HBS1L: variants seen among roughly 807,000 people sequenced by gnomAD.
HBS1L encodes HBS1 like translational GTPase.
Under a neutral mutation model 88.9 loss-of-function variants are expected in HBS1L, and 55 were observed. The observed-to-expected ratio is 0.62, with a 90% CI of 0.50 to 0.77. The LOEUF (loss-of-function observed/expected upper bound fraction) is 0.77. Ranked by LOEUF, HBS1L falls within the 30% of genes least tolerant of loss-of-function variation. The pLI, the probability that HBS1L is intolerant of heterozygous loss-of-function variation, is 0.00. For missense variants in HBS1L, 741 were observed against 829.3 expected (o/e 0.89, Z 1.31); for synonymous variants, 267 against 288.5 (o/e 0.93, Z 0.76).
chr6:134,999,744 G>A lies in HBS1L; in HGVS notation c.540-2088C>T, dbSNP rs557711135. On this transcript the variant is annotated intron_variant, in intron 5 of 17. Coordinates refer to ENST00000367837, the MANE Select transcript of HBS1L (RefSeq NM_006620.4). ...ATTACAGGGGTGAGCTACTGTACCC[G>A]GCCCCTTTTAAGTAAATCTTAGGTA... Among the ~76,000 whole-genome samples, 5 of 152,072 alleles carry A rather than the reference G, an allele frequency of 3.3e-5. No homozygotes were observed. In the South Asian group the frequency reaches 6.2e-4, roughly 19 times the overall value.
At chr6:134,973,112 A>G (rs954628524) in intron 15 of HBS1L, among the ~76,000 whole-genome samples, 7 of 152,264 alleles carry the variant, frequency 4.6e-5, no homozygotes, top group Non-Finnish European at 1.0e-4. Flanking sequence ...AAAAGAATGG[A>G]AAGCAGGAAT....
At chr6:135,042,728 G>A (rs774736644) in intron 2 of HBS1L, among the ~76,000 whole-genome samples, 7 of 151,060 alleles carry the variant, frequency 4.6e-5, no homozygotes, top group Non-Finnish European at 8.8e-5. Context: ...CAGGGGAACC[G>A]TTTGAACCCA....
intron 4 of HBS1L, among the ~76,000 whole-genome samples, chr6:135,019,921 A>G (rs879309321): frequency 2.6e-5 from 4 of 151,922 alleles, no homozygotes; most frequent in South Asian, 2.1e-4. Context: ...ATGTAGATGT[A>G]TAACTATTGT....
intron 15 of HBS1L, among the ~76,000 whole-genome samples, chr6:134,972,937 T>TAGAGAAAA (rs1774531181): frequency 6.6e-6 from 1 of 152,198 alleles, no homozygotes; most frequent in Non-Finnish European, 1.5e-5. Flanking sequence ...AGAAAACTTG[T>TAGAGAAAA]TATTTAATGT....
At chr6:135,054,513 T>C (rs1167601235) in intron 1 of HBS1L, 136 bp downstream of exon 1, 7 of 965,906 alleles carry the variant, frequency 7.2e-6, no homozygotes, top group Non-Finnish European at 1.1e-5. Flanking sequence ...AGGCCTGTTA[T>C]ATTCCCCAAC....
intron 4 of HBS1L, chr6:135,038,052 T>G (rs753955463): frequency 2.8e-6 from 4 of 1,454,084 alleles, no homozygotes; most frequent in Non-Finnish European, 3.6e-6. Flanking sequence ...CCATTAATTT[T>G]CAGATGAATA....
At chr6:135,001,919 T>A (rs981040682) in intron 5 of HBS1L, among the ~76,000 whole-genome samples, 3 of 151,252 alleles carry the variant, frequency 2.0e-5, no homozygotes, top group Non-Finnish European at 4.4e-5. Context: ...TTTATATTTT[T>A]AAAAAAATAT....
chr6:135,021,910 C>T (rs1776081819), intron 4 of HBS1L, among the ~76,000 whole-genome samples: 1 of 152,102 alleles, frequency 6.6e-6, no homozygotes, highest in African/African-American at 2.4e-5. Flanking sequence ...CTTCCTATCC[C>T]CCCTTGAGAG....
intron 4 of HBS1L, among the ~76,000 whole-genome samples, chr6:135,004,260 T>G (rs1414187895): frequency 7.4e-6 from 1 of 134,808 alleles, no homozygotes; most frequent in South Asian, 2.3e-4. Context: ...TACTAAATGA[T>G]AAAAAAAAAA....
At chr6:135,018,828 C>A (rs1365613928) in intron 4 of HBS1L, among the ~76,000 whole-genome samples, 40 of 151,700 alleles carry the variant, frequency 2.6e-4, no homozygotes, top group Non-Finnish European at 1.2e-4. Context: ...TACCATTCTG[C>A]CCTAGGACTT....
chr6:135,045,364 C>A (rs1776880703), intron 2 of HBS1L, among the ~76,000 whole-genome samples: 1 of 152,126 alleles, frequency 6.6e-6, no homozygotes, highest in Non-Finnish European at 1.5e-5. Flanking sequence ...GGCATTTTGA[C>A]AAACATAAAA....
At position 135,025,979 on chromosome 6, in the gene HBS1L, G is replaced by A. The variant is rs184475559; in HGVS notation, c.430+13594C>T. The stretch of plus-strand genomic sequence containing the variant: ...AAGCCGCACTGGAGGTGGCAGAATC[G>A]AGGTAGCTAGTTAGCAACATGCAAC... On this transcript the variant is annotated intron_variant, in intron 4 of 17. Coordinates refer to ENST00000367837, the MANE Select transcript of HBS1L (RefSeq NM_006620.4). Among the ~76,000 whole-genome samples, 9 of 152,294 alleles carry A rather than the reference G, an allele frequency of 5.9e-5. No individual in the cohort carries two copies. In the East Asian group the frequency reaches 1.4e-3, roughly 23 times the overall value.
At chr6:135,025,292 A>G (rs963555711) in intron 4 of HBS1L, among the ~76,000 whole-genome samples, 2 of 152,238 alleles carry the variant, frequency 1.3e-5, no homozygotes, top group Non-Finnish European at 2.9e-5. Context: ...AGAGCACATG[A>G]GAAACATAGG....
chr6:135,040,344 C>CCTTTTTTTTTT (rs1365916364), intron 3 of HBS1L, among the ~76,000 whole-genome samples: 5 of 110,060 alleles, frequency 4.5e-5, no homozygotes, highest in Admixed American at 2.2e-4. Context: ...GATAGGCATT[C>CCTTTTTTTTTT]TTTTTTTTTT....
chr6:135,044,454 A>G (rs1011638491), intron 2 of HBS1L, among the ~76,000 whole-genome samples: 1 of 152,184 alleles, frequency 6.6e-6, no homozygotes, highest in Admixed American at 6.5e-5. Context: ...CAACACTGGT[A>G]TAAGGTCAGC....
chr6:134,994,582 C>T (rs917783836), intron 7 of HBS1L, among the ~76,000 whole-genome samples: 1 of 152,092 alleles, frequency 6.6e-6, no homozygotes, highest in Non-Finnish European at 1.5e-5. Flanking sequence ...ATGGGACCCA[C>T]ATCTAAACAC....
chr6:134,995,470 T>C (rs1045785287), intron 7 of HBS1L, among the ~76,000 whole-genome samples: 3 of 151,874 alleles, frequency 2.0e-5, no homozygotes, highest in Non-Finnish European at 2.9e-5. Context: ...AGCAAAAATA[T>C]GAAAGCCAAT....
rs1440398520 is a variant in HBS1L at position 134,982,636 on chromosome 6, G to A, written c.1493-74C>T. ...TGATTAATACCGTTAACTATACTTAGTTCTCAAGTAGTCATATAAAACTAG... is the reference window on the plus strand; with the variant it reads ...TGATTAATACCGTTAACTATACTTAATTCTCAAGTAGTCATATAAAACTAG... On this transcript the variant is annotated intron_variant, in intron 12 of 17. Coordinates refer to ENST00000367837, the MANE Select transcript of HBS1L (RefSeq NM_006620.4). 1.4e-5 allele frequency: 10 copies of A among 736,924 alleles called. No homozygotes were observed. In the East Asian group the frequency reaches 2.7e-4, roughly 20 times the overall value. 45.6% of individuals were successfully genotyped at this position (736,924 alleles called of 1,614,324 possible).
At chr6:134,969,613 G>T (rs1055991576) in intron 15 of HBS1L, among the ~76,000 whole-genome samples, 1 of 152,182 alleles carries the variant, frequency 6.6e-6, no homozygotes, top group Non-Finnish European at 1.5e-5. Flanking sequence ...CCTCTGTAAA[G>T]ATGGAGGGTA....
Sources: allele counts gnomAD v4.1 joint callset (sites outside exome capture counted in the v4.1 genomes callset), GRCh38; gene constraint gnomAD v4.1.1; transcripts MANE v1.5; gene names NCBI Gene and HGNC (gene_info 2026-07-23, HGNC 2026-07-21).